Variants in ESRRB observed in about 807,000 individuals in gnomAD.
The protein encoded by ESRRB is estrogen related receptor beta, also known as steroid hormone receptor ERR2.
ESRRB carries 16 observed loss-of-function variants against 46.0 expected under a neutral mutation model. The ratio of observed to expected loss-of-function variants is 0.35; its 90% CI spans 0.24 to 0.53. The LOEUF (loss-of-function observed/expected upper bound fraction) is 0.53, where lower values mean the gene tolerates loss of function less well. ESRRB is among the 20% of genes least tolerant of loss of function. ESRRB has a pLI of 0.93. For missense variants in ESRRB, 488 were observed against 607.4 expected, an observed-to-expected ratio of 0.80 and a Z score of 2.07; for synonymous variants, 246 against 259.6, an observed-to-expected ratio of 0.95 and a Z score of 0.50.
At chr14:76,373,128 T>C (rs183563447), upstream of ESRRB, among the ~76,000 whole-genome samples, 17 of 152,360 alleles carry the variant, frequency 1.1e-4, no homozygotes, top group Admixed American at 2.6e-4. Flanking sequence ...CCACATTTAC[T>C]GCATCTAATA....
chr14:76,488,893 C>T (rs1238471039), intron 5 of ESRRB, among the ~76,000 whole-genome samples: 2 of 152,156 alleles, frequency 1.3e-5, no homozygotes, highest in African/African-American at 2.4e-5. Flanking sequence ...TGACTTGTGC[C>T]CCTTGGTGTG....
chr14:76,447,690 T>C (rs1385485245), intron 2 of ESRRB, among the ~76,000 whole-genome samples: 1 of 149,088 alleles, frequency 6.7e-6, no homozygotes, highest in Non-Finnish European at 1.5e-5. Context: ...GGGTCTTACC[T>C]TTAACTCTGC....
At chr14:76,475,969 A>T (rs944046197) in intron 3 of ESRRB, among the ~76,000 whole-genome samples, 26 of 152,254 alleles carry the variant, frequency 1.7e-4, no homozygotes, top group Non-Finnish European at 3.4e-4. Context: ...GTAACATCTT[A>T]AAAAACTACA....
intron 1 of ESRRB, among the ~76,000 whole-genome samples, chr14:76,434,672 G>T (rs528747271): frequency 0.014 from 2,013 of 142,598 alleles, 49 homozygotes; most frequent in African/African-American, 0.052. Context: ...AAAAAAAAAA[G>T]AAAAGAAAAA....
At chr14:76,396,013 A>G (rs539611189) in intron 1 of ESRRB, among the ~76,000 whole-genome samples, 1 of 152,240 alleles carries the variant, frequency 6.6e-6, no homozygotes, top group East Asian at 1.9e-4. Flanking sequence ...TCTTTACTAA[A>G]AATACAAAAA....
intron 1 of ESRRB, among the ~76,000 whole-genome samples, chr14:76,419,673 C>T (rs957976207): frequency 3.9e-5 from 6 of 152,120 alleles, no homozygotes; most frequent in Non-Finnish European, 8.8e-5. Context: ...GCAGGAAGCA[C>T]TTTGAAGGTC....
chr14:76,483,917 G>A (rs1168417997), intron 5 of ESRRB, among the ~76,000 whole-genome samples: 1 of 152,136 alleles, frequency 6.6e-6, no homozygotes, highest in Non-Finnish European at 1.5e-5. Context: ...GTAATGGCGC[G>A]ATCTCGGCTC....
rs774884207 is a variant in ESRRB at position 76,482,007 on chromosome 14, C to A, written c.578-9C>A. On this transcript the variant is annotated splice_polypyrimidine_tract_variant and intron_variant, in intron 3 of 6. Transcript: ENST00000644823. The surrounding 1 kb of genome is among the most constrained non-coding windows in gnomAD (Gnocchi z 4.3). ...ACTGCTGAGATCTTTTCCCTTTCCTCCCCAATAGGTGTGCGCCTTGATCGA... is the reference window on the plus strand; with the variant it reads ...ACTGCTGAGATCTTTTCCCTTTCCTACCCAATAGGTGTGCGCCTTGATCGA... 6.8e-6 allele frequency: 11 copies of A among 1,612,980 alleles called. No homozygotes were observed. In the African/African-American group the frequency reaches 1.5e-4, roughly 22 times the overall value.
At chr14:76,317,788 A>G (rs1048859113) in intron 1 of ESRRB, among the ~76,000 whole-genome samples, 1 of 151,958 alleles carries the variant, frequency 6.6e-6, no homozygotes, top group Non-Finnish European at 1.5e-5. Context: ...CCTTAATTAT[A>G]AAATGAGCCA....
intron 1 of ESRRB, among the ~76,000 whole-genome samples, chr14:76,319,814 C>T: frequency 6.6e-6 from 1 of 152,018 alleles, no homozygotes; most frequent in East Asian, 1.9e-4. Context: ...CAAAACAGAG[C>T]CAGTGTTAAC....
chr14:76,375,685 C>G (rs1392854074), upstream of ESRRB, among the ~76,000 whole-genome samples: 2 of 152,204 alleles, frequency 1.3e-5, no homozygotes, highest in African/African-American at 2.4e-5. Context: ...GCGCACACAG[C>G]GCAGGGTTTG....
chr14:76,344,433 C>T (rs1393149519), intron 1 of ESRRB, among the ~76,000 whole-genome samples: 3 of 151,946 alleles, frequency 2.0e-5, no homozygotes, highest in Non-Finnish European at 2.9e-5. Flanking sequence ...TCCCACTCTT[C>T]CCCACAAGCC....
chr14:76,381,799 T>C (rs991431055), intron 1 of ESRRB, among the ~76,000 whole-genome samples: 4 of 152,096 alleles, frequency 2.6e-5, no homozygotes, highest in Non-Finnish European at 5.9e-5. Context: ...GTAGGGAGCC[T>C]GGTCATAGGA....
chr14:76,473,966 C>G (rs777661796), intron 3 of ESRRB, among the ~76,000 whole-genome samples: 1 of 152,148 alleles, frequency 6.6e-6, no homozygotes, highest in Non-Finnish European at 1.5e-5. Flanking sequence ...CCCACAGGCA[C>G]GAGGGGCACC....
intron 1 of ESRRB, among the ~76,000 whole-genome samples, chr14:76,314,548 C>T: frequency 6.6e-6 from 1 of 152,152 alleles, no homozygotes; most frequent in Non-Finnish European, 1.5e-5. Flanking sequence ...CAGTCTTCCC[C>T]TTTAGCACAC....
At chr14:76,317,418 C>T (rs1364191777) in intron 1 of ESRRB, among the ~76,000 whole-genome samples, 1 of 150,484 alleles carries the variant, frequency 6.6e-6, no homozygotes, top group African/African-American at 2.5e-5. Context: ...TTGTTTGCTC[C>T]TAAGTCGGTC....
chr14:76,451,000 A>G (rs1194192459), intron 2 of ESRRB, among the ~76,000 whole-genome samples: 1 of 152,250 alleles, frequency 6.6e-6, no homozygotes, highest in Admixed American at 6.5e-5. Flanking sequence ...GATGCCAGTC[A>G]GAATGTGGTC....
chr14:76,371,954 G>A (rs1282853034), upstream of ESRRB, among the ~76,000 whole-genome samples: 1 of 152,132 alleles, frequency 6.6e-6, no homozygotes, highest in Non-Finnish European at 1.5e-5. Context: ...CCTCATTTGT[G>A]CAAAAATGGC....
intron 1 of ESRRB, among the ~76,000 whole-genome samples, chr14:76,359,825 A>G (rs1442081183): frequency 2.6e-5 from 4 of 152,196 alleles, no homozygotes; most frequent in Non-Finnish European, 5.9e-5. Flanking sequence ...GAAAACACCC[A>G]GGAGGCAAGG....
Sources: gnomAD v4.1 joint callset for allele counts (sites outside exome capture counted in the v4.1 genomes callset) on GRCh38, gnomAD v4.1.1 for gene constraint, Gnocchi (gnomAD v3.1) non-coding constraint, MANE v1.5 for transcripts, NCBI Gene and HGNC (gene_info 2026-07-23, HGNC 2026-07-21) for gene names.